Variants in PAPPA observed in about 807,000 individuals in gnomAD.
PAPPA encodes pappalysin 1, also known as pappalysin-1.
A neutral mutation model predicts 164.0 loss-of-function variants in PAPPA; 60 were observed. The ratio of observed to expected loss-of-function variants is 0.37; its 90% confidence interval spans 0.30 to 0.45. The LOEUF (loss-of-function observed/expected upper bound fraction) is 0.45. PAPPA is among the 20% of genes least tolerant of loss of function. The probability of loss-of-function intolerance (pLI) is 1.00; values close to 1 mark genes in which losing one functional copy is unlikely to be tolerated. For synonymous variants in PAPPA, 875 were observed against 814.1 expected (o/e 1.07, Z -1.27); for missense variants, 1,782 against 2,087.3 (o/e 0.85, Z 2.85).
chr9:116,318,628 G>A (rs1845816017), intron 10 of PAPPA: 1 of 152,226 alleles, frequency 6.6e-6, no homozygotes, highest in Non-Finnish European at 1.5e-5. Context: ...CATGTGCTGT[G>A]AAGTCACCCA....
At chr9:116,155,277 G>A (rs1218473428) in intron 1 of PAPPA, among the ~76,000 whole-genome samples, 1 of 152,184 alleles carries the variant, frequency 6.6e-6, no homozygotes, top group Non-Finnish European at 1.5e-5. Context: ...TTTCTCATAT[G>A]GGACTTTATG....
At chr9:116,390,833 C>T (rs1407381889) in intron 21 of PAPPA, among the ~76,000 whole-genome samples, 1 of 152,144 alleles carries the variant, frequency 6.6e-6, no homozygotes, top group East Asian at 1.9e-4. Context: ...GTTATTACCA[C>T]CACCATCATC....
intron 21 of PAPPA, among the ~76,000 whole-genome samples, chr9:116,391,274 G>A (rs1013435164): frequency 6.6e-6 from 1 of 152,108 alleles, no homozygotes; most frequent in South Asian, 2.1e-4. Flanking sequence ...GGGAATCCTC[G>A]TCCTTGGCAT....
intron 15 of PAPPA, among the ~76,000 whole-genome samples, chr9:116,348,479 G>A (rs1244043510): frequency 6.6e-6 from 1 of 151,846 alleles, no homozygotes; most frequent in African/African-American, 2.4e-5. Context: ...TAAGCAAAAA[G>A]GACAACAGTT....
intron 7 of PAPPA, among the ~76,000 whole-genome samples, chr9:116,247,721 G>A (rs546929023): frequency 6.6e-6 from 1 of 152,126 alleles, no homozygotes; most frequent in Admixed American, 6.6e-5. Flanking sequence ...AATCTATTCA[G>A]TCTGTGCTTG....
At chr9:116,328,570 C>T (rs1394194629) in intron 10 of PAPPA, among the ~76,000 whole-genome samples, 3 of 152,084 alleles carry the variant, frequency 2.0e-5, no homozygotes, top group South Asian at 2.1e-4. Context: ...ATTCCTAGGG[C>T]CAGGGTGAGG....
At position 116,341,021 on chromosome 9, in the gene PAPPA, A is replaced by AT. The variant is rs1054305845; in HGVS notation, c.3612-3515dup. On this transcript the variant is annotated intron_variant, in intron 13 of 21. Transcript: ENST00000328252. ...TCTTGCCCTCTCTTTTTTTATTTTT[A>AT]TTTTTTTGTTTTATTTATTTATTTA... Among the ~76,000 whole-genome samples, 393 of 150,132 alleles carry AT rather than the reference A, an allele frequency of 2.6e-3. 3 individuals are homozygous for AT. The highest frequency in any genetic ancestry group is 9.0e-3 in the African/African-American group (367 of 40,590).
intron 5 of PAPPA, among the ~76,000 whole-genome samples, chr9:116,225,230 A>G (rs1156753736): frequency 6.6e-6 from 1 of 152,240 alleles, no homozygotes; most frequent in Admixed American, 6.5e-5. Flanking sequence ...ACTCAAAGCC[A>G]CTATGCGTGG....
chr9:116,219,647 T>C (rs928937619), intron 4 of PAPPA, among the ~76,000 whole-genome samples: 1 of 152,200 alleles, frequency 6.6e-6, no homozygotes, highest in African/African-American at 2.4e-5. Context: ...TCATCTTGCC[T>C]GTGTCCTTTG....
At position 116,227,446 on chromosome 9, in the gene PAPPA, A is replaced by G. The variant is rs1844527503; in HGVS notation, c.2127A>G (p.Ala709=). The change falls in exon 6 of 22, where the codon GCA becomes GCG. Residue 709 remains alanine, a synonymous_variant. Coordinates refer to ENST00000328252, the MANE Select transcript of PAPPA (RefSeq NM_002581.5). ...GHFFERELGS[A]CHLCLEGRIL... ...GGCCTCCTAGAGAATTGGGATCAGC[A>G]TGTCATCTTTGCCTGGAAGGGAGAA... 6 of 1,614,040 alleles carry G rather than the reference A, an allele frequency of 3.7e-6. No homozygotes were observed. Among genetic ancestry groups the G allele is most frequent in the Non-Finnish European group, 5.1e-6 (6 of 1,179,962 alleles).
intron 16 of PAPPA, 124 bp from the exon 17 acceptor site, chr9:116,353,498 T>C (rs1236838910): frequency 9.9e-6 from 8 of 811,478 alleles, no homozygotes; most frequent in South Asian, 3.4e-5. Context: ...CAGAACCCAA[T>C]AGGTCAGGTG....
At chr9:116,305,834 A>G (rs1433191487) in intron 10 of PAPPA, among the ~76,000 whole-genome samples, 1 of 152,194 alleles carries the variant, frequency 6.6e-6, no homozygotes, top group Non-Finnish European at 1.5e-5. Context: ...AAACTTCACT[A>G]CAAAACAGGC....
intron 7 of PAPPA, among the ~76,000 whole-genome samples, chr9:116,240,759 T>C (rs1011865525): frequency 2.6e-5 from 4 of 152,326 alleles, no homozygotes; most frequent in Admixed American, 6.5e-5. Flanking sequence ...GGGGCAAAGC[T>C]GGGGTCTGTA....
chr9:116,213,822 G>A (rs115803251), intron 4 of PAPPA, among the ~76,000 whole-genome samples: 3 of 152,198 alleles, frequency 2.0e-5, no homozygotes, highest in Admixed American at 6.5e-5. Flanking sequence ...AGGCAACCAC[G>A]ATCTTTGAAA....
chr9:116,273,345 T>A (rs1266385968), intron 9 of PAPPA, among the ~76,000 whole-genome samples: 1 of 152,174 alleles, frequency 6.6e-6, no homozygotes, highest in Non-Finnish European at 1.5e-5. Flanking sequence ...TAATTGTAAA[T>A]AAAGATTTAT....
Position 116,290,982 on chromosome 9 carries a change from T to A in PAPPA, c.2954-11775T>A, listed in dbSNP as rs565594391. Among the ~76,000 whole-genome samples the A allele has an allele frequency of 4.3e-4, 65 of 152,294 alleles. 1 individual carries two copies. Among genetic ancestry groups the A allele is most frequent in the Admixed American group, 9.8e-4 (15 of 15,276 alleles). On this transcript the variant is annotated intron_variant, in intron 9 of 21. Transcript: ENST00000328252. ...TATCTCTTGGCTGCTATATAATTCATGTGACACTGGATTTTACCGCCTCTT... is the reference window on the plus strand; with the variant it reads ...TATCTCTTGGCTGCTATATAATTCAAGTGACACTGGATTTTACCGCCTCTT...
At chr9:116,375,984 G>A (rs1045267179) in intron 19 of PAPPA, among the ~76,000 whole-genome samples, 1 of 151,354 alleles carries the variant, frequency 6.6e-6, no homozygotes, top group African/African-American at 2.4e-5. Context: ...CATGAAAACT[G>A]GGGCATCCAT....
chr9:116,358,514 A>G (rs1416975701), intron 17 of PAPPA, among the ~76,000 whole-genome samples: 1 of 152,238 alleles, frequency 6.6e-6, no homozygotes, highest in Non-Finnish European at 1.5e-5. Context: ...AAGCTGGTGT[A>G]AACTGGTTTG....
chr9:116,230,538 A>T (rs1844577822), intron 6 of PAPPA, among the ~76,000 whole-genome samples: 2 of 152,318 alleles, frequency 1.3e-5, no homozygotes, highest in African/African-American at 4.8e-5. Context: ...ACAGAATGAA[A>T]AGTTGAAATA....
Sources: allele counts gnomAD v4.1 joint callset (sites outside exome capture counted in the v4.1 genomes callset), GRCh38; gene constraint gnomAD v4.1.1; transcripts MANE v1.5; gene names NCBI Gene and HGNC (gene_info 2026-07-23, HGNC 2026-07-21).